Variants in SNX24 observed in about 807,000 individuals in gnomAD.
SNX24 encodes the protein sorting nexin-24.
In SNX24, 22 loss-of-function variants were observed where a neutral mutation model predicts 28.7. That is an observed-to-expected ratio of 0.77 (90% CI 0.55 to 1.10). The LOEUF is 1.10. Among genes scored for constraint, SNX24 ranks in the 50% least tolerant of loss-of-function variants. The pLI, the probability that SNX24 is intolerant of heterozygous loss-of-function variation, is 0.00. For missense variants in SNX24, 221 were observed against 201.1 expected (o/e 1.10, Z -0.60); for synonymous variants, 69 against 71.5 (o/e 0.96, Z 0.18).
chr5:123,014,333 ATTTTTTTTTTTT>A (rs70988553), intron 5 of SNX24, among the ~76,000 whole-genome samples: 3 of 77,270 alleles, frequency 3.9e-5, no homozygotes, highest in African/African-American at 5.6e-5. Context: ...TGCCCAGCTG[ATTTTTTTTTTTT>A]TTTTTTTTTT....
At chr5:122,941,942 C>G (rs982838817) in intron 2 of SNX24, among the ~76,000 whole-genome samples, 4 of 152,296 alleles carry the variant, frequency 2.6e-5, no homozygotes, top group African/African-American at 9.6e-5. Context: ...GGCCCAGGCA[C>G]AGGCTCCTGT....
At chr5:123,002,354 T>C (rs1000328816) in intron 6 of SNX24, among the ~76,000 whole-genome samples, 1 of 152,172 alleles carries the variant, frequency 6.6e-6, no homozygotes, top group African/African-American at 2.4e-5. Flanking sequence ...TAAAAATGCC[T>C]CTTCCCGGCC....
At chr5:122,990,660 G>A (rs547636339) in intron 3 of SNX24, among the ~76,000 whole-genome samples, 13 of 152,136 alleles carry the variant, frequency 8.5e-5, no homozygotes, top group Admixed American at 8.5e-4. Context: ...GTCTCCTAAG[G>A]CTGTCTGTAG....
intron 1 of SNX24, among the ~76,000 whole-genome samples, chr5:122,883,289 T>C (rs1756560581): frequency 6.6e-6 from 1 of 152,218 alleles, no homozygotes; most frequent in Non-Finnish European, 1.5e-5. Context: ...ATGGCACTTC[T>C]ACTAAAGCCA....
intron 1 of SNX24, among the ~76,000 whole-genome samples, chr5:122,869,750 C>T (rs570066606): frequency 1.3e-5 from 2 of 152,282 alleles, no homozygotes; most frequent in South Asian, 2.1e-4. Context: ...CTTTTTCCAT[C>T]GTAGACTCTG....
intron 1 of SNX24, among the ~76,000 whole-genome samples, chr5:122,931,130 A>G (rs1758936087): frequency 6.6e-6 from 1 of 152,172 alleles, no homozygotes; most frequent in Non-Finnish European, 1.5e-5. Flanking sequence ...TGAAATTTAG[A>G]TATTTTTGAA....
chr5:122,915,400 G>GT (rs1423486403), intron 1 of SNX24, among the ~76,000 whole-genome samples: 11 of 152,238 alleles, frequency 7.2e-5, no homozygotes, highest in African/African-American at 2.6e-4. Context: ...CTGAGACAGG[G>GT]TGATTGCTTG....
chr5:122,992,380 G>A (rs1388022995), intron 3 of SNX24, among the ~76,000 whole-genome samples: 1 of 151,996 alleles, frequency 6.6e-6, no homozygotes, highest in Non-Finnish European at 1.5e-5. Context: ...ACAGAGAAAA[G>A]AAAAAAATCC....
intron 1 of SNX24, among the ~76,000 whole-genome samples, chr5:122,871,631 G>T (rs1374214863): frequency 6.6e-6 from 1 of 152,074 alleles, no homozygotes. Flanking sequence ...TTAGCCGGGT[G>T]TGGTGACATG....
At chr5:123,015,335 C>T (rs1002652526) in intron 5 of SNX24, among the ~76,000 whole-genome samples, 3 of 152,172 alleles carry the variant, frequency 2.0e-5, no homozygotes, top group Admixed American at 6.5e-5. Context: ...AACATCTTCC[C>T]GGATTCCAGG....
chr5:122,849,821 A>G (rs1029019931), intron 1 of SNX24, among the ~76,000 whole-genome samples: 1 of 152,190 alleles, frequency 6.6e-6, no homozygotes, highest in Non-Finnish European at 1.5e-5. Flanking sequence ...GTTGTATCCT[A>G]ATACAGAATT....
chr5:122,880,965 C>A (rs552310845), intron 1 of SNX24, among the ~76,000 whole-genome samples: 1 of 152,330 alleles, frequency 6.6e-6, no homozygotes, highest in South Asian at 2.1e-4. Flanking sequence ...GGGCCTGCCC[C>A]CAAAGCCCTG....
chr5:122,880,651 A>G (rs759359373), intron 1 of SNX24, among the ~76,000 whole-genome samples: 29 of 152,192 alleles, frequency 1.9e-4, no homozygotes, highest in Non-Finnish European at 3.2e-4. Flanking sequence ...GAAAAGAACA[A>G]TGTTTTGTGT....
At position 122,944,992 on chromosome 5, in the gene SNX24, G is replaced by A. The variant is rs368106176; in HGVS notation, c.145-1063G>A. Among the ~76,000 whole-genome samples the A allele has an allele frequency of 1.4e-4, 22 of 152,246 alleles. 1 individual carries two copies. Among genetic ancestry groups the A allele is most frequent in the African/African-American group, 5.1e-4 (21 of 41,552 alleles). ...GCTGCTATAACAAATTACCATAAAT[G>A]TAGTGGCTTAAAACAATATAAATTT... On this transcript the variant is annotated intron_variant, in intron 2 of 6. Coordinates refer to ENST00000261369, the MANE Select transcript of SNX24 (RefSeq NM_014035.4).
intron 3 of SNX24, among the ~76,000 whole-genome samples, chr5:122,947,305 C>T (rs1250556574): frequency 6.6e-6 from 1 of 151,976 alleles, no homozygotes; most frequent in African/African-American, 2.4e-5. Flanking sequence ...ATGGCTGTCC[C>T]TGAACCACTA....
Position 122,885,418 on chromosome 5 carries a change from C to A in SNX24, c.60+39725C>A, listed in dbSNP as rs573313865. ...TCTTCCATCTCTGGGTTTGGAATCC[C>A]TGGCAGCCCCTCCTCACTTTTGTAT... On this transcript the variant is annotated intron_variant, in intron 1 of 6. Transcript: ENST00000261369. Among the ~76,000 whole-genome samples the A allele has an allele frequency of 3.5e-3, 538 of 152,312 alleles. 4 individuals are homozygous for A. The highest frequency in any genetic ancestry group is 0.012 in the African/African-American group (497 of 41,566).
intron 1 of SNX24, among the ~76,000 whole-genome samples, chr5:122,895,466 C>T (rs1044956860): frequency 9.9e-5 from 15 of 152,200 alleles, no homozygotes; most frequent in African/African-American, 3.6e-4. Flanking sequence ...TTGTATCCCA[C>T]ATCTTGGACC....
chr5:122,893,381 G>C (rs575641034), intron 1 of SNX24, among the ~76,000 whole-genome samples: 46 of 151,798 alleles, frequency 3.0e-4, no homozygotes, highest in African/African-American at 1.1e-3. Context: ...AAGGACTCCT[G>C]CCTCCTTTTA....
intron 3 of SNX24, among the ~76,000 whole-genome samples, chr5:122,959,806 G>GAC (rs1250310082): frequency 6.6e-6 from 1 of 152,056 alleles, no homozygotes; most frequent in African/African-American, 2.4e-5. Flanking sequence ...TTAGTACATG[G>GAC]ACACACACGA....
Sources: allele counts gnomAD v4.1 joint callset (sites outside exome capture counted in the v4.1 genomes callset), GRCh38; gene constraint gnomAD v4.1.1; transcripts MANE v1.5; gene names NCBI Gene and HGNC (gene_info 2026-07-23, HGNC 2026-07-21).